Variants in PTPRN2 observed in about 807,000 individuals in gnomAD.
PTPRN2 encodes the protein receptor-type tyrosine-protein phosphatase N2.
Under a neutral mutation model 118.8 loss-of-function variants are expected in PTPRN2, and 74 were observed. The observed-to-expected ratio is 0.62, with a 90% confidence interval of 0.52 to 0.76. The LOEUF (loss-of-function observed/expected upper bound fraction) is 0.76. PTPRN2 is among the 30% of genes least tolerant of loss of function. PTPRN2 has a pLI of 0.00. For synonymous variants in PTPRN2, 641 were observed against 608.0 expected (o/e 1.05, Z -0.80); for missense variants, 1,481 against 1,394.4 (o/e 1.06, Z -0.99).
chr7:157,998,427 G>A (rs1278538233), intron 11 of PTPRN2, among the ~76,000 whole-genome samples: 3 of 152,298 alleles, frequency 2.0e-5, no homozygotes, highest in African/African-American at 7.2e-5. Context: ...CGTGAGACGC[G>A]GAGGAGCAGC....
At chr7:158,497,952 G>A (rs1822071939) in intron 1 of PTPRN2, among the ~76,000 whole-genome samples, 1 of 152,250 alleles carries the variant, frequency 6.6e-6, no homozygotes, top group African/African-American at 2.4e-5. Flanking sequence ...ACACAAACAT[G>A]GATGAGTGAC....
intron 2 of PTPRN2, among the ~76,000 whole-genome samples, chr7:158,484,465 C>T (rs1820860552): frequency 6.6e-6 from 1 of 152,178 alleles, no homozygotes. Flanking sequence ...CAGGTTCAAG[C>T]GATTCTCCTG....
At position 157,834,066 on chromosome 7, in the gene PTPRN2, A is replaced by G. The variant is rs1807767504; in HGVS notation, c.1788+64607T>C. Among the ~76,000 whole-genome samples the G allele has an allele frequency of 3.3e-5, 5 of 152,206 alleles. 1 individual carries two copies. The South Asian group carries it at 8.3e-4, about 25-fold the overall frequency. On this transcript the variant is annotated intron_variant, in intron 12 of 22. Transcript: ENST00000389418. ...CTTTCTATCCGCCAATCAATGAGCC[A>G]GCAGCATTCCCTGTGATCAATCCAT...
chr7:158,533,395 A>T (rs4909239), intron 1 of PTPRN2, among the ~76,000 whole-genome samples: 1 of 152,044 alleles, frequency 6.6e-6, no homozygotes, highest in African/African-American at 2.4e-5. Context: ...GACCCTCCGC[A>T]TCTGGCTGCA....
At chr7:158,556,724 T>C (rs1396030163) in intron 1 of PTPRN2, among the ~76,000 whole-genome samples, 2 of 148,016 alleles carry the variant, frequency 1.4e-5, no homozygotes, top group African/African-American at 5.0e-5. Context: ...CCCGGGCAGG[T>C]CAGGCGGCTC....
In PTPRN2 at chr7:158,295,202, G is replaced by A. The variant is rs1201673162; in HGVS notation, c.277+21617C>T. Among the ~76,000 whole-genome samples, 8 of 105,816 alleles carry A rather than the reference G, an allele frequency of 7.6e-5. No individual in the cohort carries two copies. In the East Asian group the frequency reaches 2.1e-3, roughly 28 times the overall value. The allele number at this position is 105,816 out of a possible 152,430, so 69.4% of individuals were successfully genotyped here. ...TCGTGGTTCACCTGCCTTTCTGAGGGTCTAAGCCCATGGGGCCCGCTGACC... is the reference window on the plus strand; with the variant it reads ...TCGTGGTTCACCTGCCTTTCTGAGGATCTAAGCCCATGGGGCCCGCTGACC... On this transcript the variant is annotated intron_variant, in intron 3 of 22. Coordinates refer to ENST00000389418, the MANE Select transcript of PTPRN2 (RefSeq NM_002847.5).
intron 2 of PTPRN2, among the ~76,000 whole-genome samples, chr7:158,318,967 T>C (rs957889857): frequency 1.3e-5 from 2 of 152,130 alleles, no homozygotes; most frequent in African/African-American, 2.4e-5. Context: ...TAAAGAAAAA[T>C]GGCCCAGGAC....
At chr7:157,792,199 T>C (rs928544210) in intron 12 of PTPRN2, among the ~76,000 whole-genome samples, 1 of 152,250 alleles carries the variant, frequency 6.6e-6, no homozygotes, top group Non-Finnish European at 1.5e-5. Flanking sequence ...CGTTCCCATC[T>C]GCCTTCTGCA....
At chr7:158,300,683 T>A (rs1800830302) in intron 3 of PTPRN2, among the ~76,000 whole-genome samples, 1 of 152,176 alleles carries the variant, frequency 6.6e-6, no homozygotes, top group African/African-American at 2.4e-5. Context: ...TGCAACAGTG[T>A]TCTAAGAAAC....
chr7:157,888,318 C>A (rs4716798), intron 12 of PTPRN2, among the ~76,000 whole-genome samples: 1 of 152,072 alleles, frequency 6.6e-6, no homozygotes, highest in African/African-American at 2.4e-5. Context: ...CAAGGAACCC[C>A]GTGAACTCTG....
intron 22 of PTPRN2, among the ~76,000 whole-genome samples, chr7:157,542,956 C>T (rs1054481036): frequency 1.3e-5 from 2 of 152,110 alleles, no homozygotes; most frequent in African/African-American, 2.4e-5. Flanking sequence ...CTGCATGCGG[C>T]GCCGGGATGT....
chr7:157,899,485 G>A (rs367799639), intron 11 of PTPRN2, among the ~76,000 whole-genome samples: 21 of 152,180 alleles, frequency 1.4e-4, no homozygotes, highest in South Asian at 6.2e-4. Context: ...GGAAATATGC[G>A]TTTGCATAAA....
intron 1 of PTPRN2, among the ~76,000 whole-genome samples, chr7:158,511,682 C>A (rs758713688): frequency 6.6e-6 from 1 of 152,206 alleles, no homozygotes; most frequent in South Asian, 2.1e-4. Flanking sequence ...AGCGTCATGT[C>A]CCCGCACACC....
intron 3 of PTPRN2, among the ~76,000 whole-genome samples, chr7:158,272,501 C>T (rs1159043656): frequency 6.6e-6 from 1 of 151,714 alleles, no homozygotes; most frequent in Non-Finnish European, 1.5e-5. Flanking sequence ...CAGGTTTGCC[C>T]AGAAAATACA....
rs368859331 is a variant in PTPRN2 at position 158,431,465 on chromosome 7, TG to T, written c.163+58269del. 9.7e-4 allele frequency among the ~76,000 whole-genome samples: 108 copies of T among 110,878 alleles called. 4 individuals carry two copies. Among genetic ancestry groups the T allele is most frequent in the African/African-American group, 3.4e-3 (96 of 28,016 alleles). 72.7% of individuals were successfully genotyped at this position (110,878 alleles called of 152,430 possible). On this transcript the variant is annotated intron_variant, in intron 2 of 22. Coordinates refer to ENST00000389418, the MANE Select transcript of PTPRN2 (RefSeq NM_002847.5). ...ACACACTGCCTCACACGACACACAC[TG>T]GGCACATACTGGGCACACACTGGCT... is the stretch of plus-strand genomic sequence containing the variant.
chr7:157,878,653 C>G (rs1233839944), intron 12 of PTPRN2, among the ~76,000 whole-genome samples: 2 of 132,664 alleles, frequency 1.5e-5, no homozygotes, highest in Admixed American at 7.6e-5. Context: ...CACTGAGGAG[C>G]TCTCTCAGAT....
intron 11 of PTPRN2, among the ~76,000 whole-genome samples, chr7:157,940,282 T>C (rs1412236498): frequency 6.6e-6 from 1 of 152,196 alleles, no homozygotes; most frequent in East Asian, 1.9e-4. Context: ...CTAGTGTTAT[T>C]ATTAAATTTT....
chr7:158,006,014 G>C (rs1805610039), intron 11 of PTPRN2, among the ~76,000 whole-genome samples: 1 of 152,274 alleles, frequency 6.6e-6, no homozygotes, highest in Admixed American at 6.5e-5. Flanking sequence ...TGATGGAAAG[G>C]TGGTACTAGC....
rs1036986662 is a variant in PTPRN2, at chr7:157,953,876, G to A, written c.1724-55139C>T. The stretch of plus-strand genomic sequence containing the variant: ...AAATCCGCATTTCGAAGCAGAAATC[G>A]CTGGTTTAAATATTCTCTCCTTTCC... On this transcript the variant is annotated intron_variant, in intron 11 of 22. Coordinates refer to ENST00000389418, the MANE Select transcript of PTPRN2 (RefSeq NM_002847.5). This position sits in a 1 kb window ranked among gnomAD's most constrained non-coding sequence, Gnocchi z 4.6. Among the ~76,000 whole-genome samples the A allele has an allele frequency of 6.6e-6, 1 of 152,264 alleles. No individual in the cohort carries two copies. The highest frequency in any genetic ancestry group is 1.5e-5 in the Non-Finnish European group (1 of 68,018).
Sources: allele counts gnomAD v4.1 joint callset (sites outside exome capture counted in the v4.1 genomes callset), GRCh38; gene constraint gnomAD v4.1.1; non-coding constraint Gnocchi (gnomAD v3.1); transcripts MANE v1.5; gene names NCBI Gene and HGNC (gene_info 2026-07-23, HGNC 2026-07-21).